Variants in ZFYVE9 observed in about 807,000 individuals in gnomAD.
The protein encoded by ZFYVE9 is zinc finger FYVE domain-containing protein 9.
Under a neutral mutation model 126.7 loss-of-function variants are expected in ZFYVE9, and 43 were observed. That is an observed-to-expected ratio of 0.34 (90% confidence interval 0.27 to 0.44). The LOEUF (loss-of-function observed/expected upper bound fraction) is 0.44, where lower values mean the gene tolerates loss of function less well. Among genes scored for constraint, ZFYVE9 ranks in the 20% least tolerant of loss-of-function variants. The probability of loss-of-function intolerance (pLI) is 1.00; values close to 1 mark genes in which losing one functional copy is unlikely to be tolerated. For missense variants in ZFYVE9, 1,476 were observed against 1,697.0 expected (o/e 0.87, Z 2.29); for synonymous variants, 521 against 597.4 (o/e 0.87, Z 1.87).
chr1:52,346,300 G>C lies in ZFYVE9; in HGVS notation c.*79G>C. ...CCAAATCATTTGCACTTTAAAACTG[G>C]AAGATTAAGCTTTTGTTAACACTAT... On this transcript the variant is annotated 3_prime_UTR_variant, in exon 19 of 19. Coordinates refer to ENST00000287727, the MANE Select transcript of ZFYVE9 (RefSeq NM_004799.4). 2 of 1,152,034 alleles carry C rather than the reference G, an allele frequency of 1.7e-6. No individual in the cohort carries two copies. The highest frequency in any genetic ancestry group is 2.3e-6 in the Non-Finnish European group (2 of 864,932). 71.4% of individuals were successfully genotyped at this position (1,152,034 alleles called of 1,614,324 possible).
intron 1 of ZFYVE9, among the ~76,000 whole-genome samples, chr1:52,159,325 A>C (rs1344381838): frequency 5.3e-5 from 8 of 152,134 alleles, no homozygotes; most frequent in East Asian, 1.9e-4. Context: ...TTTCTTAGTC[A>C]ATTTCTGGTA....
At chr1:52,241,071 T>C (rs1030412961) in intron 4 of ZFYVE9, among the ~76,000 whole-genome samples, 1 of 152,348 alleles carries the variant, frequency 6.6e-6, no homozygotes, top group Non-Finnish European at 1.5e-5. Context: ...TGGTTCCTCT[T>C]GCCACAAAAA....
At chr1:52,192,748 A>G (rs562437581) in intron 1 of ZFYVE9, among the ~76,000 whole-genome samples, 83 of 152,220 alleles carry the variant, frequency 5.5e-4, no homozygotes, top group Non-Finnish European at 9.8e-4. Context: ...AAAAAAATGG[A>G]CAAAGAATTT....
intron 13 of ZFYVE9, among the ~76,000 whole-genome samples, chr1:52,322,377 CTTTTTTTT>C (rs113375062): frequency 0.056 from 6,682 of 119,496 alleles, 531 homozygotes; most frequent in African/African-American, 0.19. Context: ...GTGGTCTTTT[CTTTTTTTT>C]TTTTTTTTTT....
intron 7 of ZFYVE9, among the ~76,000 whole-genome samples, 164 bp from the exon 8 acceptor site, chr1:52,274,299 GT>G (rs1334447604): frequency 2.0e-5 from 3 of 151,892 alleles, no homozygotes; most frequent in Admixed American, 1.3e-4. Flanking sequence ...AGCCTGATTT[GT>G]TTTTTTGTTT....
intron 10 of ZFYVE9, among the ~76,000 whole-genome samples, chr1:52,286,576 TA>T (rs1447160060): frequency 1.1e-4 from 17 of 152,346 alleles, no homozygotes; most frequent in Admixed American, 1.0e-3. Flanking sequence ...GGTTGTAGAC[TA>T]TATATTGTTT....
intron 1 of ZFYVE9, among the ~76,000 whole-genome samples, chr1:52,157,763 G>A (rs72665082): frequency 0.012 from 1,769 of 152,228 alleles, 14 homozygotes; most frequent in Non-Finnish European, 0.017. Flanking sequence ...CTTATTGGCT[G>A]TCTTTCAACA....
chr1:52,206,847 G>A (rs548949088), intron 1 of ZFYVE9, among the ~76,000 whole-genome samples: 34 of 152,302 alleles, frequency 2.2e-4, no homozygotes, highest in African/African-American at 7.9e-4. Flanking sequence ...ACTGTGCGCG[G>A]CCCGGAGATA....
intron 4 of ZFYVE9, chr1:52,253,921 A>C: frequency 2.0e-6 from 2 of 993,878 alleles, no homozygotes; most frequent in Non-Finnish European, 3.3e-6. Flanking sequence ...AGTAGGAAAT[A>C]ATTTTCACAA....
At chr1:52,329,955 A>G (rs1188480590) in intron 13 of ZFYVE9, among the ~76,000 whole-genome samples, 1 of 152,160 alleles carries the variant, frequency 6.6e-6, no homozygotes, top group Non-Finnish European at 1.5e-5. Flanking sequence ...ACAGCAAGGC[A>G]AAGTGGGTAT....
chr1:52,184,859 AAAAAC>A (rs1294183186), intron 1 of ZFYVE9, among the ~76,000 whole-genome samples: 1 of 152,102 alleles, frequency 6.6e-6, no homozygotes, highest in Non-Finnish European at 1.5e-5. Context: ...ACCCCATCTC[AAAAAC>A]AAAACAAAGA....
intron 13 of ZFYVE9, among the ~76,000 whole-genome samples, chr1:52,307,670 A>G (rs1569724687): frequency 6.6e-6 from 1 of 152,052 alleles, no homozygotes; most frequent in African/African-American, 2.4e-5. Context: ...AAAGAGTAAC[A>G]GTATTTCTTG....
intron 4 of ZFYVE9, among the ~76,000 whole-genome samples, chr1:52,243,539 A>G (rs1253656204): frequency 6.6e-6 from 1 of 151,994 alleles, no homozygotes; most frequent in African/African-American, 2.4e-5. Flanking sequence ...GAAGTAGAAC[A>G]GCATGGACAA....
intron 1 of ZFYVE9, among the ~76,000 whole-genome samples, chr1:52,198,130 T>TG (rs1644881667): frequency 7.3e-6 from 1 of 136,308 alleles, no homozygotes; most frequent in Non-Finnish European, 1.6e-5. Flanking sequence ...GTTTGTTTTT[T>TG]TTTTTTTTTG....
intron 12 of ZFYVE9, among the ~76,000 whole-genome samples, chr1:52,299,480 G>A (rs535673795): frequency 1.3e-5 from 2 of 152,306 alleles, no homozygotes; most frequent in African/African-American, 4.8e-5. Context: ...TCTTGTTCCT[G>A]TTCTTTGAGG....
chr1:52,214,180 A>C (rs1195928336), intron 1 of ZFYVE9, among the ~76,000 whole-genome samples: 1 of 152,146 alleles, frequency 6.6e-6, no homozygotes, highest in Admixed American at 6.5e-5. Flanking sequence ...TAATCCCAGC[A>C]CTTTGGGAGG....
chr1:52,195,144 T>C (rs1644848959), intron 1 of ZFYVE9, among the ~76,000 whole-genome samples: 2 of 152,266 alleles, frequency 1.3e-5, no homozygotes, highest in South Asian at 4.1e-4. Context: ...TTATATGTTA[T>C]TAAACTATAT....
intron 10 of ZFYVE9, among the ~76,000 whole-genome samples, chr1:52,284,450 C>T (rs536495301): frequency 2.5e-4 from 38 of 150,560 alleles, no homozygotes; most frequent in African/African-American, 8.5e-4. Context: ...GATGGAGTCT[C>T]GCTCTGTCAC....
intron 3 of ZFYVE9, among the ~76,000 whole-genome samples, chr1:52,235,181 A>AT (rs1645262737): frequency 6.6e-6 from 1 of 152,134 alleles, no homozygotes; most frequent in South Asian, 2.1e-4. Flanking sequence ...TGTTTGAACT[A>AT]TTTTTTTGAA....
Sources: gnomAD v4.1 joint callset for allele counts (sites outside exome capture counted in the v4.1 genomes callset) on GRCh38, gnomAD v4.1.1 for gene constraint, MANE v1.5 for transcripts, NCBI Gene and HGNC (gene_info 2026-07-23, HGNC 2026-07-21) for gene names.